Variants in CLIP3 observed in about 807,000 individuals in gnomAD.
The protein encoded by CLIP3 is CAP-Gly domain-containing linker protein 3.
CLIP3 carries 15 observed loss-of-function variants against 59.4 expected under a neutral mutation model. The observed-to-expected ratio is 0.25, with a 90% CI of 0.17 to 0.39. The LOEUF (loss-of-function observed/expected upper bound fraction) is 0.39, where lower values mean the gene tolerates loss of function less well. Among genes scored for constraint, CLIP3 ranks in the 10% least tolerant of loss-of-function variants. CLIP3 has a pLI of 1.00. For synonymous variants in CLIP3, 300 were observed against 321.6 expected, an observed-to-expected ratio of 0.93 and a Z score of 0.72; for missense variants, 495 against 765.7, an observed-to-expected ratio of 0.65 and a Z score of 4.17.
In CLIP3 at chr19:36,032,353, G is replaced by A. The variant is rs1969288765; in HGVS notation, c.5C>T (p.Thr2Ile). 3.2e-6 allele frequency: 4 copies of A among 1,256,136 alleles called. No individual in the cohort carries two copies. Among genetic ancestry groups the A allele is most frequent in the Non-Finnish European group, 4.0e-6 (4 of 991,596 alleles). The allele number at this position is 1,256,136 out of a possible 1,614,324, so 77.8% of individuals were successfully genotyped here. The change falls in exon 2 of 14, where the codon ACT becomes ATT. Residue 2 changes from threonine (T) to isoleucine (I), a missense_variant. Thr to Ile is a moderately conservative substitution (Grantham distance 89). Around this residue, in one of 5 missense-constraint regions of CLIP3, gnomAD observed 90 missense variants for 105.2 expected, o/e 0.86. Transcript: ENST00000360535. The surrounding 1 kb of genome is among the most constrained non-coding windows in gnomAD (Gnocchi z 4.3). ...GGCCATCGGGGCAGGATCTGTCTTA[G>A]TCATGGTCCTCGGTGGCCCTCGGGG... M[T>I]KTDPAPMAPP... is the part of the protein sequence containing the mutation.
intron 7 of CLIP3, 97 bp from the exon 8 acceptor site, chr19:36,019,403 C>T (rs1166077530): frequency 4.8e-6 from 7 of 1,466,248 alleles, no homozygotes; most frequent in Non-Finnish European, 5.5e-6. Context: ...CATGAGGCCG[C>T]CCTGGGCCCA....
At chr19:36,024,232 C>T (rs1454209903) in intron 7 of CLIP3, 164 bp downstream of exon 7, 1 of 629,048 alleles carries the variant, frequency 1.6e-6, no homozygotes, top group Non-Finnish European at 2.8e-6. Context: ...TCAAAGGAGA[C>T]ACCCACGGAA....
intron 7 of CLIP3, among the ~76,000 whole-genome samples, chr19:36,022,513 A>G (rs1324605147): frequency 6.6e-6 from 1 of 152,202 alleles, no homozygotes; most frequent in Admixed American, 6.6e-5. Context: ...GTCTTCAGAT[A>G]AAGGTTTTCA....
chr19:36,018,014 G>T, intron 9 of CLIP3, 23 bp from the exon 10 acceptor site: 1 of 1,612,670 alleles, frequency 6.2e-7, no homozygotes. Context: ...GGTGTAGGAG[G>T]TGGGTAGTGG....
chr19:36,016,149 C>G lies in CLIP3; in HGVS notation c.*9G>C, dbSNP rs752957221. The G allele has an allele frequency of 1.2e-6, 2 of 1,613,856 alleles. No individual in the cohort carries two copies. The highest frequency in any genetic ancestry group is 1.1e-5 in the South Asian group (1 of 91,064). The stretch of plus-strand genomic sequence containing the variant: ...GGGACTCTGTCTCTTTGTCAGGTGT[C>G]CAGGGCCTCTAAGACTGCATCTCCG... On this transcript the variant is annotated 3_prime_UTR_variant, in exon 14 of 14. Transcript: ENST00000360535. The surrounding 1 kb of genome is among the most constrained non-coding windows in gnomAD (Gnocchi z 4.1).
rs1968942064 is a variant in CLIP3, at chr19:36,021,155, A to C, written c.919-1849T>G. On this transcript the variant is annotated intron_variant, in intron 7 of 13. Coordinates refer to ENST00000360535, the MANE Select transcript of CLIP3 (RefSeq NM_015526.3). ...TGGCCTCCCAAAGTGCTGGGATTAC[A>C]GGTGTGAAGCCACTGTGCTCAGCCT... 3.3e-5 allele frequency among the ~76,000 whole-genome samples: 5 copies of C among 151,976 alleles called. 1 individual carries two copies. The South Asian group carries it at 1.0e-3, about 32-fold the overall frequency.
At chr19:36,029,227 G>A (rs1445214580) in intron 2 of CLIP3, among the ~76,000 whole-genome samples, 2 of 148,776 alleles carry the variant, frequency 1.3e-5, no homozygotes, top group Admixed American at 6.7e-5. Flanking sequence ...GGCTGAGGCA[G>A]GAGAATCGCT....
At position 36,026,121 on chromosome 19, in the gene CLIP3, C is replaced by T. The variant is rs374305632; in HGVS notation, c.681+26G>A. ...GGGGAGGAAGGGAGCAGGAGGGTAA[C>T]GGGTTCTGGGCAAGGGTGGCAGTAC... On this transcript the variant is annotated intron_variant, in intron 6 of 13. Transcript: ENST00000360535. The surrounding 1 kb of genome is among the most constrained non-coding windows in gnomAD (Gnocchi z 6.3). 1.9e-4 allele frequency: 296 copies of T among 1,571,508 alleles called. No homozygotes were observed. The highest frequency in any genetic ancestry group is 8.6e-4 in the Admixed American group (51 of 59,562).
At chr19:36,022,800 A>G (rs1968987346) in intron 7 of CLIP3, among the ~76,000 whole-genome samples, 2 of 152,170 alleles carry the variant, frequency 1.3e-5, no homozygotes, top group Non-Finnish European at 2.9e-5. Flanking sequence ...TCACGCCTGT[A>G]ATCCCAGCAC....
At chr19:36,017,581 G>A (rs1968833204) in intron 11 of CLIP3, 74 bp downstream of exon 11, 1 of 1,606,620 alleles carries the variant, frequency 6.2e-7, no homozygotes, top group South Asian at 1.1e-5. Context: ...GCTGGTCTGG[G>A]AGGAGGAGGC....
chr19:36,031,561 T>C (rs1969267659), intron 2 of CLIP3, among the ~76,000 whole-genome samples: 2 of 152,202 alleles, frequency 1.3e-5, no homozygotes, highest in South Asian at 4.2e-4. Flanking sequence ...CTCAGCTCCA[T>C]ACCCTCCTAC....
intron 2 of CLIP3, among the ~76,000 whole-genome samples, chr19:36,031,637 A>ACCC (rs973057707): frequency 3.9e-5 from 6 of 152,000 alleles, no homozygotes; most frequent in African/African-American, 9.7e-5. Flanking sequence ...CTCTTAGTTA[A>ACCC]CCCCAACTCA....
intron 2 of CLIP3, among the ~76,000 whole-genome samples, chr19:36,029,301 C>T (rs1437728921): frequency 1.2e-5 from 1 of 84,258 alleles, no homozygotes; most frequent in African/African-American, 6.1e-5. Context: ...GCCTGGAGTC[C>T]GTCTCAAAAA....
chr19:36,014,886 G>A lies in CLIP3; in HGVS notation c.*1272C>T, dbSNP rs1968748996. On this transcript the variant is annotated 3_prime_UTR_variant, in exon 14 of 14. Transcript: ENST00000360535. The stretch of plus-strand genomic sequence containing the variant: ...TTGAAATCGGGGTTCCAGGATTTGA[G>A]ATCCCCTCAGGGCCTTGGGGCCTTC... 1 of 152,944 alleles carries A rather than the reference G, an allele frequency of 6.5e-6. No homozygotes were observed. Among genetic ancestry groups the A allele is most frequent in the African/African-American group, 2.4e-5 (1 of 41,452 alleles). 9.5% of individuals were successfully genotyped at this position (152,944 alleles called of 1,614,324 possible).
At chr19:36,028,457 C>T (rs1969171771) in intron 2 of CLIP3, among the ~76,000 whole-genome samples, 1 of 152,242 alleles carries the variant, frequency 6.6e-6, no homozygotes, top group Non-Finnish European at 1.5e-5. Context: ...TCCCACTCGA[C>T]TCTAAGGAGT....
intron 2 of CLIP3, among the ~76,000 whole-genome samples, chr19:36,030,023 C>T (rs561059772): frequency 7.3e-5 from 11 of 151,668 alleles, no homozygotes; most frequent in African/African-American, 2.4e-4. Context: ...AGGTACAGCA[C>T]CCCCCCGACC....
At chr19:36,021,581 G>A (rs797009100) in intron 7 of CLIP3, among the ~76,000 whole-genome samples, 19 of 152,248 alleles carry the variant, frequency 1.2e-4, no homozygotes, top group Admixed American at 3.9e-4. Context: ...GTGCCACCAT[G>A]CCTGGTTAAT....
In CLIP3 at chr19:36,026,929, A is replaced by G; in HGVS notation, c.400+23T>C. 3 of 1,526,794 alleles carry G rather than the reference A, an allele frequency of 2.0e-6. No individual in the cohort carries two copies. In the South Asian group the frequency reaches 3.9e-5, roughly 20 times the overall value. The allele number at this position is 1,526,794 out of a possible 1,614,324, so 94.6% of individuals were successfully genotyped here. A position where few individuals can be genotyped will look rare whatever the true frequency, so the allele number is the denominator to read the frequency against. On this transcript the variant is annotated intron_variant, in intron 4 of 13. Coordinates refer to ENST00000360535, the MANE Select transcript of CLIP3 (RefSeq NM_015526.3). This position sits in a 1 kb window ranked among gnomAD's most constrained non-coding sequence, Gnocchi z 6.3. ...GGGGGCCTAGGCTTTGGGGCTTATG[A>G]CTTGGGGGTAGGGGGCCCTCACCGA...
At chr19:36,017,358 C>T (rs1968824819) in intron 12 of CLIP3, 28 bp downstream of exon 12, 2 of 1,609,962 alleles carry the variant, frequency 1.2e-6, no homozygotes, top group South Asian at 1.1e-5. Flanking sequence ...AACGTACACT[C>T]CTCCCAACAT....
Sources: allele counts gnomAD v4.1 joint callset (sites outside exome capture counted in the v4.1 genomes callset), GRCh38; gene constraint gnomAD v4.1.1; regional missense constraint gnomAD v4.1.1; non-coding constraint Gnocchi (gnomAD v3.1); transcripts MANE v1.5; gene names NCBI Gene and HGNC (gene_info 2026-07-23, HGNC 2026-07-21).